The following PCDH11X variants were observed in gnomAD, a reference collection of about 807,000 sequenced individuals.
PCDH11X encodes protocadherin 11 X-linked.
Under a neutral mutation model 53.3 loss-of-function variants are expected in PCDH11X, and 18 were observed. The observed-to-expected ratio is 0.34, with a 90% CI of 0.23 to 0.50. The LOEUF is 0.50. Among genes scored for constraint, PCDH11X ranks in the 20% least tolerant of loss-of-function variants. PCDH11X has a pLI of 0.98. For missense variants in PCDH11X, 570 were observed against 1,032.4 expected (o/e 0.55, Z 6.14); for synonymous variants, 279 against 393.3 (o/e 0.71, Z 3.44).
At chrX:92,043,043 G>A (rs1194569278) in intron 6 of PCDH11X, among the ~76,000 whole-genome samples, 1 of 109,134 alleles carries the variant, frequency 9.2e-6, no homozygotes, top group Non-Finnish European at 1.9e-5. Flanking sequence ...ATATTTTTAT[G>A]TTGTTATTGA....
chrX:92,241,698 T>C (rs2067264759), intron 7 of PCDH11X, among the ~76,000 whole-genome samples: 1 of 111,935 alleles, frequency 8.9e-6, no homozygotes, highest in Non-Finnish European at 1.9e-5. Context: ...GCCTCAGACA[T>C]GACAACTTGT....
intron 7 of PCDH11X, among the ~76,000 whole-genome samples, chrX:92,213,479 A>G (rs930017065): frequency 9.0e-6 from 1 of 111,667 alleles, no homozygotes; most frequent in Non-Finnish European, 1.9e-5. Flanking sequence ...GGGGATTTAA[A>G]CATAAATATT....
At chrX:92,398,888 T>C (rs1288735345) in intron 9 of PCDH11X, among the ~76,000 whole-genome samples, 4 of 110,497 alleles carry the variant, frequency 3.6e-5, no homozygotes, top group Non-Finnish European at 7.6e-5. Flanking sequence ...TATACATATA[T>C]TTACAGCATT....
chrX:92,012,655 A>C (rs1359355614), intron 6 of PCDH11X, among the ~76,000 whole-genome samples: 1 of 111,533 alleles, frequency 9.0e-6, no homozygotes, highest in Non-Finnish European at 1.9e-5. Context: ...GCCTAAAATG[A>C]CTTGTGGGTG....
chrX:92,314,859 C>T (rs1460640917), intron 8 of PCDH11X, among the ~76,000 whole-genome samples: 12 of 111,451 alleles, frequency 1.1e-4, no homozygotes, highest in African/African-American at 3.9e-4. Context: ...ATAAATAGGT[C>T]AGTAAGATTG....
chrX:92,507,525 T>C (rs1488426279), intron 10 of PCDH11X, among the ~76,000 whole-genome samples: 6 of 111,821 alleles, frequency 5.4e-5, no homozygotes, highest in Admixed American at 3.8e-4. Flanking sequence ...ATTTTGATTT[T>C]TTTTAAATAA....
At chrX:92,097,001 C>T (rs1013060206) in intron 6 of PCDH11X, among the ~76,000 whole-genome samples, 1 of 112,051 alleles carries the variant, frequency 8.9e-6, no homozygotes, top group African/African-American at 3.2e-5. Context: ...CTTTATTAGA[C>T]AGAGATGTTC....
chrX:92,393,919 ACTGACGTG>A (rs1333836252), intron 9 of PCDH11X, among the ~76,000 whole-genome samples: 1 of 111,341 alleles, frequency 9.0e-6, no homozygotes. Context: ...TACCATTTAA[ACTGACGTG>A]CTTTTCAAAA....
At chrX:91,870,086 C>T (rs951250908) in intron 5 of PCDH11X, among the ~76,000 whole-genome samples, 2 of 111,433 alleles carry the variant, frequency 1.8e-5, no homozygotes, top group Non-Finnish European at 3.8e-5. Flanking sequence ...GCTGACTTTT[C>T]AAAATCAAGG....
At chrX:92,262,834 A>G (rs2067746491) in intron 7 of PCDH11X, among the ~76,000 whole-genome samples, 1 of 111,349 alleles carries the variant, frequency 9.0e-6, no homozygotes, top group African/African-American at 3.3e-5. Context: ...TGAGCTAAGC[A>G]TATATTTTTT....
intron 7 of PCDH11X, among the ~76,000 whole-genome samples, chrX:92,203,205 A>C (rs968665073): frequency 8.9e-5 from 10 of 112,407 alleles, no homozygotes; most frequent in Non-Finnish European, 1.3e-4. Flanking sequence ...AGGATAAATA[A>C]ATTCAAATAA....
intron 8 of PCDH11X, among the ~76,000 whole-genome samples, chrX:92,383,328 T>G (rs866874163): frequency 3.2e-3 from 346 of 109,511 alleles, no homozygotes; most frequent in African/African-American, 0.011. Context: ...AATGTTTTTT[T>G]TTTTTTTTTT....
chrX:91,798,518 G>A (rs767761083), intron 1 of PCDH11X, among the ~76,000 whole-genome samples: 74 of 109,594 alleles, frequency 6.8e-4, no homozygotes, highest in Admixed American at 1.9e-3. Flanking sequence ...GAACCAGGGA[G>A]GCAGAGGTTG....
At chrX:91,880,542 C>T (rs1455172087) in intron 6 of PCDH11X, among the ~76,000 whole-genome samples, 4 of 111,408 alleles carry the variant, frequency 3.6e-5, no homozygotes, top group Admixed American at 9.6e-5. Flanking sequence ...TTATATAATA[C>T]GATAACATTA....
At chrX:92,507,461 C>T (rs7879613) in intron 10 of PCDH11X, among the ~76,000 whole-genome samples, 13,136 of 110,679 alleles carry the variant, frequency 0.12, 622 homozygotes, top group African/African-American at 0.19. Flanking sequence ...CTTCATCTTC[C>T]GGTTTATCCT....
chrX:91,942,413 C>T (rs1044829909), intron 6 of PCDH11X, among the ~76,000 whole-genome samples: 11 of 109,816 alleles, frequency 1.0e-4, no homozygotes, highest in South Asian at 3.8e-4. Context: ...AGAAGAAAGA[C>T]GAAATATTTT....
intron 8 of PCDH11X, among the ~76,000 whole-genome samples, chrX:92,384,346 C>A (rs766390750): frequency 9.0e-6 from 1 of 110,588 alleles, no homozygotes; most frequent in Admixed American, 9.7e-5. Context: ...CTAAATAGAT[C>A]CAACAAGCTA....
At chrX:92,517,297 T>C (rs1296661743) in intron 10 of PCDH11X, among the ~76,000 whole-genome samples, 1 of 111,990 alleles carries the variant, frequency 8.9e-6, no homozygotes, top group Non-Finnish European at 1.9e-5. Flanking sequence ...CAAATGTGAG[T>C]TGGAATTGCA....
chrX:92,306,778 A>G (rs1007357800), intron 8 of PCDH11X, among the ~76,000 whole-genome samples: 6 of 111,218 alleles, frequency 5.4e-5, no homozygotes, highest in Non-Finnish European at 9.4e-5. Flanking sequence ...CGTCTCTACT[A>G]AAAATACACA....
Sources: allele counts gnomAD v4.1 joint callset (sites outside exome capture counted in the v4.1 genomes callset), GRCh38; gene constraint gnomAD v4.1.1; transcripts MANE v1.5; gene names NCBI Gene and HGNC (gene_info 2026-07-23, HGNC 2026-07-21).